Variants in CPO observed in about 807,000 individuals in gnomAD.
CPO encodes the protein metallocarboxypeptidase C.
In CPO, 43 loss-of-function variants were observed where a neutral mutation model predicts 41.2. The observed-to-expected ratio is 1.04, with a 90% confidence interval of 0.82 to 1.35. The LOEUF is 1.35. Among genes scored for constraint, CPO ranks in the 40% most tolerant of loss-of-function variants. The pLI is 0.00. For synonymous variants in CPO, 178 were observed against 162.7 expected (o/e 1.09, Z -0.72); for missense variants, 408 against 451.7 (o/e 0.90, Z 0.88).
chr2:206,959,810 A>C, intron 5 of CPO, 69 bp downstream of exon 5: 1 of 724,220 alleles, frequency 1.4e-6, no homozygotes, highest in Non-Finnish European at 2.5e-6. Flanking sequence ...AATTTTTCCA[A>C]TGTTATCCAT....
rs1693637469 is a variant in CPO at position 206,969,174 on chromosome 2, A to G, written c.863A>G (p.Tyr288Cys). The stretch of plus-strand genomic sequence containing the variant: ...TCTGCCTTCATGTTTTCACCTGTAG[A>G]TGCCTCATCAGGGTCTTCAAGAGAT... The part of the protein sequence containing the change: ...YRVGSSADIL[Y>C]ASSGSSRDWA... The change falls in exon 9 of 9, where the codon TAT becomes TGT. Residue 288 changes from tyrosine (Y) to cysteine (C), a missense_variant and splice_region_variant. Tyr to Cys is a radical substitution (Grantham distance 194). Transcript: ENST00000272852. The G allele has an allele frequency of 6.2e-7, 1 of 1,613,906 alleles. No homozygotes were observed. The highest frequency in any genetic ancestry group is 2.2e-5 in the East Asian group (1 of 44,890).
intron 1 of CPO, among the ~76,000 whole-genome samples, chr2:206,945,089 A>G (rs1469525295): frequency 1.3e-5 from 2 of 152,198 alleles, no homozygotes; most frequent in South Asian, 2.1e-4. Flanking sequence ...AACACAGATT[A>G]TCTTATTTAA....
intron 1 of CPO, among the ~76,000 whole-genome samples, chr2:206,942,651 C>T (rs1159964026): frequency 6.6e-6 from 1 of 152,102 alleles, no homozygotes; most frequent in African/African-American, 2.4e-5. Flanking sequence ...TTTATGAATT[C>T]CTGTTCAAAA....
intron 1 of CPO, 106 bp from the exon 2 acceptor site, chr2:206,949,511 C>G (rs1693209689): frequency 2.6e-6 from 2 of 758,600 alleles, no homozygotes; most frequent in Non-Finnish European, 4.6e-6. Flanking sequence ...CTTTTGTCCT[C>G]CAAGTCCTGT....
chr2:206,960,131 A>C (rs1693450683), intron 5 of CPO, among the ~76,000 whole-genome samples: 1 of 152,244 alleles, frequency 6.6e-6, no homozygotes, highest in African/African-American at 2.4e-5. Flanking sequence ...ACACAAAACC[A>C]GCCTACATTT....
At chr2:206,940,265 AT>A (rs764761056) in intron 1 of CPO, among the ~76,000 whole-genome samples, 1 of 151,852 alleles carries the variant, frequency 6.6e-6, no homozygotes, top group African/African-American at 2.4e-5. Flanking sequence ...CAGCTACATA[AT>A]TTTTTTTGCT....
chr2:206,969,130 C>A, intron 8 of CPO, 44 bp from the exon 9 acceptor site: 1 of 1,597,806 alleles, frequency 6.3e-7, no homozygotes, highest in Non-Finnish European at 8.6e-7. Flanking sequence ...ATCCATTCTT[C>A]CAAAGTATGA....
At position 206,959,713 on chromosome 2, in the gene CPO, T is replaced by G; in HGVS notation, c.455T>G (p.Ile152Arg). 1 of 1,548,764 alleles carries G rather than the reference T, an allele frequency of 6.5e-7. No individual in the cohort carries two copies. Among genetic ancestry groups the G allele is most frequent in the African/African-American group, 1.4e-5 (1 of 73,632 alleles). ...TTCTATGTCCTTCCAGTTCTTAACA[T>G]AGATGGTTATATCTACACTTGGACA... The part of the protein sequence containing the change: ...LDFYVLPVLN[I>R]DGYIYTWTTD... The change falls in exon 5 of 9, where the codon ATA becomes AGA. Residue 152 changes from isoleucine (I) to arginine (R), a missense_variant. Transcript: ENST00000272852.
chr2:206,956,760 C>A (rs1490019687), intron 3 of CPO, among the ~76,000 whole-genome samples: 2 of 152,160 alleles, frequency 1.3e-5, no homozygotes, highest in Admixed American at 1.3e-4. Context: ...TGCCCTCTTA[C>A]TACTTAGTGT....
At chr2:206,948,738 G>C (rs1384081287) in intron 1 of CPO, among the ~76,000 whole-genome samples, 2 of 152,172 alleles carry the variant, frequency 1.3e-5, no homozygotes, top group Non-Finnish European at 2.9e-5. Flanking sequence ...TCCAGTTTGG[G>C]TGACAAAGTA....
At chr2:206,951,474 T>G (rs1693263204) in intron 2 of CPO, among the ~76,000 whole-genome samples, 1 of 152,262 alleles carries the variant, frequency 6.6e-6, no homozygotes. Flanking sequence ...ATGCACAATT[T>G]GCCCTTCAAA....
chr2:206,969,114 A>G (rs1693635784), intron 8 of CPO, 60 bp from the exon 9 acceptor site: 4 of 1,548,400 alleles, frequency 2.6e-6, no homozygotes, highest in Non-Finnish European at 3.6e-6. Context: ...TGAAATGGCT[A>G]TAGAAATCCA....
At chr2:206,947,771 A>G (rs1191854541) in intron 1 of CPO, among the ~76,000 whole-genome samples, 1 of 152,250 alleles carries the variant, frequency 6.6e-6, no homozygotes, top group Non-Finnish European at 1.5e-5. Flanking sequence ...CAAAGAAAAT[A>G]TAGAGACAGC....
At chr2:206,967,502 G>T (rs1409976838) in intron 7 of CPO, among the ~76,000 whole-genome samples, 1 of 152,018 alleles carries the variant, frequency 6.6e-6, no homozygotes, top group Non-Finnish European at 1.5e-5. Flanking sequence ...GATCAGGTAA[G>T]GCCTCTTGGA....
intron 3 of CPO, among the ~76,000 whole-genome samples, chr2:206,956,445 G>A (rs1017324774): frequency 2.0e-5 from 3 of 151,696 alleles, no homozygotes; most frequent in Admixed American, 1.3e-4. Flanking sequence ...ATCACCACCT[G>A]AGGGCTTGTT....
chr2:206,966,048 G>A (rs550205034), intron 7 of CPO, among the ~76,000 whole-genome samples: 23 of 152,174 alleles, frequency 1.5e-4, no homozygotes, highest in South Asian at 2.1e-4. Flanking sequence ...CTCTGCTTCC[G>A]CATAGTAATT....
chr2:206,962,339 G>T, intron 6 of CPO, 73 bp from the exon 7 acceptor site: 1 of 1,359,324 alleles, frequency 7.4e-7, no homozygotes, highest in South Asian at 1.2e-5. Flanking sequence ...CCTGAGTATG[G>T]ATGACTCCTT....
chr2:206,967,346 T>TAG (rs1553512792), intron 7 of CPO, among the ~76,000 whole-genome samples: 7 of 111,300 alleles, frequency 6.3e-5, no homozygotes, highest in South Asian at 2.8e-4. Context: ...TATATATATA[T>TAG]ATATAGATAT....
intron 3 of CPO, 27 bp from the exon 4 acceptor site, chr2:206,958,274 G>C: frequency 8.0e-7 from 1 of 1,245,892 alleles, no homozygotes; most frequent in Non-Finnish European, 1.1e-6. Context: ...CAATTGTTTA[G>C]TAATGGGGCA....
Sources: allele counts gnomAD v4.1 joint callset (sites outside exome capture counted in the v4.1 genomes callset), GRCh38; gene constraint gnomAD v4.1.1; transcripts MANE v1.5; gene names NCBI Gene and HGNC (gene_info 2026-07-23, HGNC 2026-07-21).